NDUFAF6: variants seen among roughly 807,000 people sequenced by gnomAD.
The protein encoded by NDUFAF6 is NADH:ubiquinone oxidoreductase complex assembly factor 6, also known as NADH dehydrogenase (ubiquinone) complex I, assembly factor 6.
A neutral mutation model predicts 40.8 loss-of-function variants in NDUFAF6; 45 were observed. The observed-to-expected ratio is 1.10, with a 90% CI of 0.87 to 1.42. The LOEUF (loss-of-function observed/expected upper bound fraction) is 1.42. Ranked by LOEUF, NDUFAF6 falls within the 40% of genes most tolerant of loss-of-function variation. NDUFAF6 has a pLI of 0.00. For missense variants in NDUFAF6, 435 were observed against 418.5 expected, an observed-to-expected ratio of 1.04 and a Z score of -0.34; for synonymous variants, 185 against 155.9, an observed-to-expected ratio of 1.19 and a Z score of -1.39.
At chr8:95,006,495 T>C (rs1227168202) in intron 2 of NDUFAF6, among the ~76,000 whole-genome samples, 1 of 152,162 alleles carries the variant, frequency 6.6e-6, no homozygotes, top group African/African-American at 2.4e-5. Flanking sequence ...TTGTTCATCA[T>C]CATGTAGTTT....
At chr8:95,001,613 G>C (rs1403027390) in intron 2 of NDUFAF6, among the ~76,000 whole-genome samples, 1 of 152,076 alleles carries the variant, frequency 6.6e-6, no homozygotes, top group East Asian at 1.9e-4. Flanking sequence ...TTTTTGCCCA[G>C]GTATTTTTTT....
intron 9 of NDUFAF6, chr8:95,075,618 C>T (rs2132043664): frequency 7.8e-7 from 1 of 1,288,206 alleles, no homozygotes; most frequent in Non-Finnish European, 1.0e-6. Context: ...TAAGTGTCCT[C>T]TTTCCTCTCT....
intron 2 of NDUFAF6, among the ~76,000 whole-genome samples, chr8:94,947,113 G>A (rs1251716290): frequency 6.6e-6 from 1 of 152,142 alleles, no homozygotes; most frequent in African/African-American, 2.4e-5. Flanking sequence ...AAAAGTGACA[G>A]AGTTGGTTGG....
chr8:95,024,950 G>C, upstream of NDUFAF6: 1 of 1,265,794 alleles, frequency 7.9e-7, no homozygotes, highest in Non-Finnish European at 1.0e-6. Context: ...GCAGGGGCGT[G>C]GCCGGGGCGT....
At chr8:94,983,704 A>G (rs547688969) in intron 2 of NDUFAF6, among the ~76,000 whole-genome samples, 8 of 152,264 alleles carry the variant, frequency 5.3e-5, no homozygotes, top group African/African-American at 1.9e-4. Context: ...AGGCTTATGG[A>G]TATTAAGTAA....
chr8:95,093,030 C>T (rs568639858), intron 2 of NDUFAF6, among the ~76,000 whole-genome samples: 12 of 149,998 alleles, frequency 8.0e-5, no homozygotes, highest in Non-Finnish European at 1.5e-4. Flanking sequence ...AAACATATGC[C>T]GAGTTCCCTG....
At chr8:95,031,446 C>G (rs574521142) in intron 1 of NDUFAF6, among the ~76,000 whole-genome samples, 3 of 152,240 alleles carry the variant, frequency 2.0e-5, no homozygotes, top group African/African-American at 7.2e-5. Context: ...CTTACTAAAA[C>G]AAAAGTGATT....
intron 1 of NDUFAF6, among the ~76,000 whole-genome samples, chr8:94,978,797 A>C (rs1484038709): frequency 6.6e-6 from 1 of 152,020 alleles, no homozygotes; most frequent in East Asian, 1.9e-4. Flanking sequence ...GCAAATGGGA[A>C]CCTCCAATTT....
At chr8:94,957,409 C>A (rs1823175552), upstream of NDUFAF6, among the ~76,000 whole-genome samples, 1 of 152,070 alleles carries the variant, frequency 6.6e-6, no homozygotes, top group African/African-American at 2.4e-5. Context: ...GAAAGCTGGG[C>A]CCAGGGCTCT....
At chr8:94,930,473 A>G (rs1213343812) in intron 1 of NDUFAF6, 1 of 1,613,152 alleles carries the variant, frequency 6.2e-7, no homozygotes, top group Non-Finnish European at 8.5e-7. Flanking sequence ...ACAAAACTTG[A>G]AACTATTAGT....
chr8:94,969,727 A>G (rs1042062237), intron 1 of NDUFAF6, among the ~76,000 whole-genome samples: 2 of 152,242 alleles, frequency 1.3e-5, no homozygotes, highest in African/African-American at 4.8e-5. Flanking sequence ...ATCAATAACC[A>G]AACATTATAA....
intron 2 of NDUFAF6, among the ~76,000 whole-genome samples, chr8:95,092,665 A>C (rs1587266036): frequency 1.4e-5 from 2 of 139,580 alleles, no homozygotes; most frequent in African/African-American, 5.5e-5. Context: ...GCTCACTGCA[A>C]CCTCCGCCTC....
chr8:95,061,905 C>T (rs1424328225), downstream of NDUFAF6, among the ~76,000 whole-genome samples: 1 of 152,034 alleles, frequency 6.6e-6, no homozygotes, highest in Non-Finnish European at 1.5e-5. Context: ...TGCCTGTAAT[C>T]CTAGCACTTT....
At chr8:95,092,578 CTTTTTTTTTT>C (rs528845192) in intron 2 of NDUFAF6, among the ~76,000 whole-genome samples, 1 of 77,800 alleles carries the variant, frequency 1.3e-5, no homozygotes, top group Non-Finnish European at 2.2e-5. Context: ...CTCACGAAGC[CTTTTTTTTTT>C]TTTTTTTTTT....
At chr8:94,991,470 C>T (rs1263334969) in intron 2 of NDUFAF6, among the ~76,000 whole-genome samples, 29 of 152,062 alleles carry the variant, frequency 1.9e-4, no homozygotes, top group African/African-American at 7.2e-5. Flanking sequence ...AGTGACTCAG[C>T]GTTTCTAATT....
chr8:95,116,805 C>T (rs1456166617), downstream of NDUFAF6, among the ~76,000 whole-genome samples: 1 of 152,198 alleles, frequency 6.6e-6, no homozygotes, highest in Non-Finnish European at 1.5e-5. Context: ...CTTACGCTGA[C>T]TTAAACAATA....
chr8:94,909,801 C>CAT (rs1004780774), intron 1 of NDUFAF6, among the ~76,000 whole-genome samples: 8 of 142,336 alleles, frequency 5.6e-5, no homozygotes, highest in East Asian at 3.9e-4. Context: ...TATATATACA[C>CAT]ATATATATAT....
intron 1 of NDUFAF6, among the ~76,000 whole-genome samples, chr8:94,901,417 C>T (rs1405182679): frequency 2.6e-5 from 4 of 151,768 alleles, no homozygotes; most frequent in African/African-American, 7.3e-5. Context: ...TCAGGATATA[C>T]GCTGAAAGTA....
At chr8:94,992,647 A>G (rs1826246711) in intron 2 of NDUFAF6, among the ~76,000 whole-genome samples, 1 of 152,198 alleles carries the variant, frequency 6.6e-6, no homozygotes, top group African/African-American at 2.4e-5. Context: ...GTGTCAATTA[A>G]TAATTGTTAA....
Sources: allele counts gnomAD v4.1 joint callset (sites outside exome capture counted in the v4.1 genomes callset), GRCh38; gene constraint gnomAD v4.1.1; transcripts MANE v1.5; gene names NCBI Gene and HGNC (gene_info 2026-07-23, HGNC 2026-07-21).